Variants in ROCK2 observed in about 807,000 individuals in gnomAD.
ROCK2 encodes rho-associated protein kinase 2.
A neutral mutation model predicts 195.1 loss-of-function variants in ROCK2; 61 were observed. The ratio of observed to expected loss-of-function variants is 0.31; its 90% CI spans 0.25 to 0.39. The LOEUF is 0.39. Among genes scored for constraint, ROCK2 ranks in the 10% least tolerant of loss-of-function variants. ROCK2 has a pLI of 1.00. For synonymous variants in ROCK2, 504 were observed against 545.5 expected, an observed-to-expected ratio of 0.92 and a Z score of 1.06; for missense variants, 1,109 against 1,637.4, an observed-to-expected ratio of 0.68 and a Z score of 5.57.
rs561151382 is a variant in ROCK2 at position 11,181,409 on chromosome 2, A to C, written c.*2028T>G. 19 of 152,024 alleles carry C rather than the reference A, an allele frequency of 1.2e-4. No individual in the cohort carries two copies. The East Asian group carries it at 2.7e-3, about 22-fold the overall frequency. The allele number at this position is 152,024 out of a possible 1,614,324, so 9.4% of individuals were successfully genotyped here. On this transcript the variant is annotated 3_prime_UTR_variant, in exon 33 of 33. Transcript: ENST00000315872. ...AGCTGCAGAACACACCTGCAAAGGA[A>C]ACGGCATGCACGTCTAGTCTGAGCA...
intron 3 of ROCK2, among the ~76,000 whole-genome samples, chr2:11,285,154 T>C (rs1160297865): frequency 6.6e-6 from 1 of 150,852 alleles, no homozygotes; most frequent in Non-Finnish European, 1.5e-5. Flanking sequence ...CCCAACTACT[T>C]AGAAGACTGA....
chr2:11,311,112 C>T (rs374362149), intron 1 of ROCK2, among the ~76,000 whole-genome samples: 1 of 151,924 alleles, frequency 6.6e-6, no homozygotes, highest in African/African-American at 2.4e-5. Flanking sequence ...ATTCTACTAT[C>T]TAGTACAGTG....
intron 3 of ROCK2, among the ~76,000 whole-genome samples, chr2:11,265,787 A>G (rs1029512588): frequency 3.3e-5 from 5 of 152,202 alleles, no homozygotes; most frequent in African/African-American, 7.2e-5. Context: ...CTTAGGAATA[A>G]GAAGTAAGCA....
chr2:11,249,871 T>G, intron 3 of ROCK2, 73 bp from the exon 4 acceptor site: 2 of 1,215,026 alleles, frequency 1.6e-6, no homozygotes, highest in Non-Finnish European at 2.2e-6. Flanking sequence ...GATACTATAA[T>G]GCTATTATTA....
intron 1 of ROCK2, among the ~76,000 whole-genome samples, chr2:11,290,632 TG>T (rs1371604764): frequency 3.3e-5 from 5 of 151,766 alleles, no homozygotes; most frequent in Non-Finnish European, 7.4e-5. Context: ...CACCAATAAC[TG>T]ACCAGAAAGA....
At chr2:11,343,961 T>A in intron 1 of ROCK2, 35 bp downstream of exon 1, 1 of 1,580,140 alleles carries the variant, frequency 6.3e-7, no homozygotes. Context: ...AGGTGTGAGC[T>A]GCAACGAGCA....
chr2:11,220,315 C>CT (rs949516718), intron 9 of ROCK2, among the ~76,000 whole-genome samples: 6 of 151,284 alleles, frequency 4.0e-5, no homozygotes, highest in African/African-American at 7.3e-5. Flanking sequence ...CCGTACCCGG[C>CT]TTTTTTTTTC....
chr2:11,293,463 T>C (rs994540023), intron 1 of ROCK2, among the ~76,000 whole-genome samples: 7 of 152,212 alleles, frequency 4.6e-5, no homozygotes, highest in Admixed American at 2.6e-4. Flanking sequence ...AGGCCTGGCA[T>C]AGGGAAAGAA....
At chr2:11,236,163 C>A (rs1176288357) in intron 4 of ROCK2, among the ~76,000 whole-genome samples, 1 of 151,942 alleles carries the variant, frequency 6.6e-6, no homozygotes. Context: ...TATATGGGTA[C>A]CTTATTCAAG....
chr2:11,325,277 G>A (rs749487360), intron 1 of ROCK2, among the ~76,000 whole-genome samples: 29 of 152,194 alleles, frequency 1.9e-4, no homozygotes, highest in Admixed American at 4.6e-4. Context: ...TGTGGGACTG[G>A]TGCATGCACA....
At chr2:11,225,120 A>G (rs1021659332) in intron 6 of ROCK2, among the ~76,000 whole-genome samples, 3 of 152,174 alleles carry the variant, frequency 2.0e-5, no homozygotes, top group Non-Finnish European at 4.4e-5. Flanking sequence ...ACTAGCTTAA[A>G]ATGACATATA....
At position 11,223,063 on chromosome 2, in the gene ROCK2, G is replaced by A. The variant is rs188722628; in HGVS notation, c.1008-889C>T. ...AGTGCCCACATCAAACATCATACAG[G>A]CTGTGTTCTTCTTCCACCCTATCCT... On this transcript the variant is annotated intron_variant, in intron 7 of 32. Coordinates refer to ENST00000315872, the MANE Select transcript of ROCK2 (RefSeq NM_004850.5). 4.2e-3 allele frequency among the ~76,000 whole-genome samples: 643 copies of A among 152,052 alleles called. 10 individuals are homozygous for A. The highest frequency in any genetic ancestry group is 1.9e-3 in the Non-Finnish European group (128 of 67,960).
intron 1 of ROCK2, 39 bp downstream of exon 1, chr2:11,343,957 G>C: frequency 3.8e-6 from 6 of 1,579,222 alleles, no homozygotes; most frequent in Non-Finnish European, 5.2e-6. Flanking sequence ...TCTGAGGTGT[G>C]AGCTGCAACG....
At chr2:11,298,367 G>A (rs900388886) in intron 1 of ROCK2, among the ~76,000 whole-genome samples, 1 of 151,566 alleles carries the variant, frequency 6.6e-6, no homozygotes, top group African/African-American at 2.4e-5. Context: ...CTACTTGGGA[G>A]GCTGAGGCAG....
At chr2:11,318,467 T>C (rs1026604707) in intron 1 of ROCK2, among the ~76,000 whole-genome samples, 11 of 152,208 alleles carry the variant, frequency 7.2e-5, no homozygotes, top group Non-Finnish European at 1.3e-4. Flanking sequence ...GTTGTTTTTT[T>C]CTTGTAAATT....
intron 18 of ROCK2, 32 bp from the exon 19 acceptor site, chr2:11,208,479 T>G (rs748994643): frequency 7.7e-7 from 1 of 1,304,454 alleles, no homozygotes; most frequent in South Asian, 1.8e-5. Context: ...CAATCATAAA[T>G]TTACAAATAA....
At chr2:11,342,758 G>A (rs1669145847) in intron 1 of ROCK2, among the ~76,000 whole-genome samples, 1 of 152,188 alleles carries the variant, frequency 6.6e-6, no homozygotes, top group African/African-American at 2.4e-5. Context: ...CCGAAAAACA[G>A]TAAAACATCA....
chr2:11,257,688 G>C (rs1329732271), intron 3 of ROCK2, among the ~76,000 whole-genome samples: 1 of 151,294 alleles, frequency 6.6e-6, no homozygotes, highest in Non-Finnish European at 1.5e-5. Flanking sequence ...AGAGATGGCG[G>C]CCCATGGGAA....
At chr2:11,332,792 T>C (rs905630031) in intron 1 of ROCK2, among the ~76,000 whole-genome samples, 1 of 152,200 alleles carries the variant, frequency 6.6e-6, no homozygotes, top group Non-Finnish European at 1.5e-5. Context: ...GGTGAATTCA[T>C]AAACAAAATG....
Sources: allele counts gnomAD v4.1 joint callset (sites outside exome capture counted in the v4.1 genomes callset), GRCh38; gene constraint gnomAD v4.1.1; transcripts MANE v1.5; gene names NCBI Gene and HGNC (gene_info 2026-07-23, HGNC 2026-07-21).